The following VPS4B variants were observed in gnomAD, a reference collection of about 807,000 sequenced individuals.
The protein encoded by VPS4B is vacuolar protein sorting-associated protein 4B.
Under a neutral mutation model 56.1 loss-of-function variants are expected in VPS4B, and 23 were observed. The observed-to-expected ratio is 0.41, with a 90% confidence interval of 0.30 to 0.58. VPS4B has a LOEUF of 0.58. VPS4B is among the 20% of genes least tolerant of loss of function. The pLI is 0.29. For missense variants in VPS4B, 372 were observed against 531.9 expected (o/e 0.70, Z 2.96); for synonymous variants, 177 against 186.0 (o/e 0.95, Z 0.39).
chr18:63,393,764 G>A (rs1000513120), intron 9 of VPS4B, among the ~76,000 whole-genome samples: 5 of 151,784 alleles, frequency 3.3e-5, no homozygotes, highest in African/African-American at 4.8e-5. Flanking sequence ...TTGAAAGGGC[G>A]TCTTGCTCTG....
intron 4 of VPS4B, among the ~76,000 whole-genome samples, chr18:63,407,136 G>GTTACC (rs1915936677): frequency 6.6e-6 from 1 of 152,168 alleles, no homozygotes; most frequent in African/African-American, 2.4e-5. Context: ...TAGTATAAGT[G>GTTACC]TTACCTTCTC....
At chr18:63,394,396 A>G (rs977138542) in intron 9 of VPS4B, among the ~76,000 whole-genome samples, 2 of 152,216 alleles carry the variant, frequency 1.3e-5, no homozygotes, top group Admixed American at 6.5e-5. Context: ...CAATATCCAG[A>G]AAAAGAATCT....
chr18:63,412,080 C>G (rs1273338010), intron 1 of VPS4B, among the ~76,000 whole-genome samples: 1 of 152,084 alleles, frequency 6.6e-6, no homozygotes, highest in Non-Finnish European at 1.5e-5. Flanking sequence ...ATATTTCAAT[C>G]CAGTAATTAA....
chr18:63,417,101 A>AT (rs1916185067), intron 1 of VPS4B, among the ~76,000 whole-genome samples: 1 of 152,144 alleles, frequency 6.6e-6, no homozygotes, highest in African/African-American at 2.4e-5. Flanking sequence ...GAATGAAAAA[A>AT]AAAATTCCCT....
intron 7 of VPS4B, 90 bp downstream of exon 7, chr18:63,399,958 G>T (rs1018940069): frequency 1.6e-6 from 2 of 1,239,260 alleles, no homozygotes; most frequent in African/African-American, 1.5e-5. Flanking sequence ...GGTGGAGGTT[G>T]TAGTGAGCTG....
intron 1 of VPS4B, among the ~76,000 whole-genome samples, chr18:63,418,368 T>C (rs1209500642): frequency 6.6e-6 from 1 of 151,996 alleles, no homozygotes; most frequent in African/African-American, 2.4e-5. Flanking sequence ...ACCCTGACAG[T>C]GTCTCCTTGC....
intron 9 of VPS4B, among the ~76,000 whole-genome samples, chr18:63,393,927 C>T (rs1915613585): frequency 5.3e-5 from 8 of 151,814 alleles, no homozygotes; most frequent in Admixed American, 3.3e-4. Context: ...TTAGGAGAGA[C>T]GGGGTTTCAC....
chr18:63,422,282 C>G lies in VPS4B; in HGVS notation c.-23G>C. 1.3e-6 allele frequency: 2 copies of G among 1,500,318 alleles called. No individual in the cohort carries two copies. Among genetic ancestry groups the G allele is most frequent in the South Asian group, 1.3e-5 (1 of 77,546 alleles). The allele number at this position is 1,500,318 out of a possible 1,614,324, so 92.9% of individuals were successfully genotyped here. On this transcript the variant is annotated 5_prime_UTR_variant, in exon 1 of 11. Transcript: ENST00000238497. ...CATGGCGGAGTTCCCAGGCGGTTCC[C>G]AAGGGAACGAGGGGCGAGGAGAGCC...
intron 5 of VPS4B, among the ~76,000 whole-genome samples, chr18:63,402,600 T>C (rs1915834535): frequency 6.6e-6 from 1 of 152,224 alleles, no homozygotes; most frequent in Non-Finnish European, 1.5e-5. Flanking sequence ...AGAAAAATAT[T>C]AAAAATTAGT....
chr18:63,393,512 A>G lies in VPS4B; in HGVS notation c.1130T>C (p.Val377Ala). The G allele has an allele frequency of 6.2e-7, 1 of 1,610,930 alleles. No individual in the cohort carries two copies. The highest frequency in any genetic ancestry group is 8.5e-7 in the Non-Finnish European group (1 of 1,178,652). ...GPSRADPNHL[V>A]DDLLTPCSPG... ...AGAGCAAGGTGTTAGCAGATCATCT[A>G]CAAGATGGTTAGGATCAGCTCGGGA... The change falls in exon 10 of 11, where the codon GTA becomes GCA. Residue 377 changes from valine (V) to alanine (A), a missense_variant. Physicochemically the swap from Val to Ala is moderately conservative, Grantham distance 64. This residue lies in a region of VPS4B where 153 missense variants were observed against 190.9 expected (regional missense o/e 0.80). Transcript: ENST00000238497.
At chr18:63,392,825 A>T (rs1360477918) in intron 10 of VPS4B, among the ~76,000 whole-genome samples, 1 of 151,320 alleles carries the variant, frequency 6.6e-6, no homozygotes, top group Non-Finnish European at 1.5e-5. Flanking sequence ...ATCTCGGCTC[A>T]CTGCAACCTC....
chr18:63,401,482 G>T (rs1915807087), intron 5 of VPS4B, among the ~76,000 whole-genome samples: 1 of 152,102 alleles, frequency 6.6e-6, no homozygotes, highest in Non-Finnish European at 1.5e-5. Context: ...TCGATCTTCT[G>T]ACCTCAGGTG....
At chr18:63,410,151 T>C (rs1916003515) in intron 3 of VPS4B, 139 bp downstream of exon 3, 2 of 1,126,168 alleles carry the variant, frequency 1.8e-6, no homozygotes, top group Admixed American at 2.3e-5. Context: ...TGTGTTCTGA[T>C]AAAGCTTATT....
intron 10 of VPS4B, among the ~76,000 whole-genome samples, chr18:63,392,012 C>A: frequency 6.6e-6 from 1 of 152,076 alleles, no homozygotes; most frequent in South Asian, 2.1e-4. Flanking sequence ...AAATAATACA[C>A]CAAGGATTAA....
At chr18:63,410,230 G>A (rs981084946) in intron 3 of VPS4B, 60 bp downstream of exon 3, 215 of 1,593,272 alleles carry the variant, frequency 1.3e-4, no homozygotes, top group Middle Eastern at 5.0e-4. Flanking sequence ...TTAATCAAAA[G>A]AAATTTCACA....
At position 63,400,149 on chromosome 18, in the gene VPS4B, A is replaced by C; in HGVS notation, c.689T>G (p.Ile230Ser). 6.2e-7 allele frequency: 1 copy of C among 1,613,622 alleles called. No individual in the cohort carries two copies. The highest frequency in any genetic ancestry group is 1.3e-5 in the African/African-American group (1 of 75,006). The change falls in exon 7 of 11, where the codon ATT becomes AGT. Residue 230 changes from isoleucine (I) to serine (S), a missense_variant. Ile to Ser is a moderately radical substitution (Grantham distance 142). This residue lies in a region of VPS4B where 66 missense variants were observed against 150.7 expected (regional missense o/e 0.44). Coordinates refer to ENST00000238497, the MANE Select transcript of VPS4B (RefSeq NM_004869.4). ...FQLARENKPS[I>S]IFIDEIDSLC... ...AGAATCAATTTCATCAATGAAGATA[A>C]TGGAGGGCTTGTTCTCTCTGGCAAG...
chr18:63,399,111 G>GC, intron 8 of VPS4B, 131 bp downstream of exon 8: 2 of 694,196 alleles, frequency 2.9e-6, no homozygotes, highest in Non-Finnish European at 4.7e-6. Flanking sequence ...AGGCAGGGGA[G>GC]CAACAGGGTT....
chr18:63,407,597 TG>T (rs1369202665), intron 3 of VPS4B, 98 bp from the exon 4 acceptor site: 1 of 935,636 alleles, frequency 1.1e-6, no homozygotes, highest in Non-Finnish European at 1.6e-6. Flanking sequence ...GTAATTTCAG[TG>T]GCAAAATCAG....
chr18:63,400,506 C>T (rs1599358541), intron 6 of VPS4B, 41 bp downstream of exon 6: 2 of 1,569,732 alleles, frequency 1.3e-6, no homozygotes, highest in Non-Finnish European at 1.7e-6. Context: ...ACAGTAATTA[C>T]AGGCAAAGAA....
Sources: gnomAD v4.1 joint callset for allele counts (sites outside exome capture counted in the v4.1 genomes callset) on GRCh38, gnomAD v4.1.1 for gene constraint, gnomAD v4.1.1 regional missense constraint, MANE v1.5 for transcripts, NCBI Gene and HGNC (gene_info 2026-07-23, HGNC 2026-07-21) for gene names.